EBF3: variants seen among roughly 807,000 people sequenced by gnomAD.
EBF3 encodes the protein EBF transcription factor 3.
A neutral mutation model predicts 77.1 loss-of-function variants in EBF3; 18 were observed. The ratio of observed to expected loss-of-function variants is 0.23; its 90% CI spans 0.16 to 0.35. The LOEUF is 0.35. Among genes scored for constraint, EBF3 ranks in the 10% least tolerant of loss-of-function variants. EBF3 has a pLI of 1.00. For missense variants in EBF3, 558 were observed against 860.0 expected, an observed-to-expected ratio of 0.65 and a Z score of 4.39; for synonymous variants, 350 against 343.5, an observed-to-expected ratio of 1.02 and a Z score of -0.21.
At chr10:129,901,440 C>G (rs1854771650) in intron 6 of EBF3, among the ~76,000 whole-genome samples, 1 of 152,288 alleles carries the variant, frequency 6.6e-6, no homozygotes, top group South Asian at 2.1e-4. Flanking sequence ...AGGGTGCGAT[C>G]CTACCATTTG....
chr10:129,897,887 A>T lies in EBF3; in HGVS notation c.555-20038T>A, dbSNP rs1854505912. ...TGGGGTTTTGTTCCAGCATCCTCCA[A>T]ATGCTGCAATTTCTGCCCTTTTCCT... On this transcript the variant is annotated intron_variant, in intron 6 of 16. Coordinates refer to ENST00000440978, the MANE Select transcript of EBF3 (RefSeq NM_001375380.1). The surrounding 1 kb of genome is among the most constrained non-coding windows in gnomAD (Gnocchi z 4.6). Among the ~76,000 whole-genome samples the T allele has an allele frequency of 6.6e-6, 1 of 152,178 alleles. No homozygotes were observed. Among genetic ancestry groups the T allele is most frequent in the Non-Finnish European group, 1.5e-5 (1 of 68,030 alleles).
chr10:129,962,519 A>C (rs932325388), intron 3 of EBF3, among the ~76,000 whole-genome samples: 1 of 151,414 alleles, frequency 6.6e-6, no homozygotes, highest in South Asian at 2.1e-4. Flanking sequence ...GTGGTCGTTT[A>C]TTTTTAGAAA....
intron 7 of EBF3, among the ~76,000 whole-genome samples, chr10:129,874,367 C>T (rs184253175): frequency 6.6e-6 from 1 of 152,198 alleles, no homozygotes; most frequent in East Asian, 1.9e-4. Flanking sequence ...TCAGCTGCCT[C>T]GTGGTAGAGG....
At chr10:129,856,135 T>C (rs1851236429) in intron 10 of EBF3, among the ~76,000 whole-genome samples, 1 of 152,220 alleles carries the variant, frequency 6.6e-6, no homozygotes, top group South Asian at 2.1e-4. Context: ...GCCACGTGCC[T>C]GCCCTACTCA....
At chr10:129,901,736 A>G (rs1854794335) in intron 6 of EBF3, among the ~76,000 whole-genome samples, 1 of 152,232 alleles carries the variant, frequency 6.6e-6, no homozygotes, top group African/African-American at 2.4e-5. Context: ...TGATCCTGTC[A>G]CATGCACCAA....
At chr10:129,937,067 C>A (rs957735972) in intron 6 of EBF3, among the ~76,000 whole-genome samples, 8 of 152,168 alleles carry the variant, frequency 5.3e-5, no homozygotes, top group Admixed American at 5.2e-4. Flanking sequence ...CATTCGGGCC[C>A]CAAGGGCTGC....
At position 129,938,502 on chromosome 10, in the gene EBF3, G is replaced by A. The variant is rs1022192057; in HGVS notation, c.554+18756C>T. 3.3e-5 allele frequency among the ~76,000 whole-genome samples: 5 copies of A among 152,148 alleles called. No homozygotes were observed. The highest frequency in any genetic ancestry group is 7.4e-5 in the Non-Finnish European group (5 of 68,024). ...CAGGAGGTCCAGGCTGCAGGGAGCT[G>A]TGATTGTGCCACTGTACCCAGCCTG... On this transcript the variant is annotated intron_variant, in intron 6 of 16. Transcript: ENST00000440978. The surrounding 1 kb of genome is among the most constrained non-coding windows in gnomAD (Gnocchi z 5.1).
At chr10:129,893,171 T>G (rs562582998) in intron 6 of EBF3, among the ~76,000 whole-genome samples, 49 of 152,356 alleles carry the variant, frequency 3.2e-4, no homozygotes, top group African/African-American at 1.1e-3. Flanking sequence ...TAAGTGGAAA[T>G]TTATACAAGG....
At chr10:129,886,878 G>A (rs1853624673) in intron 6 of EBF3, among the ~76,000 whole-genome samples, 1 of 151,778 alleles carries the variant, frequency 6.6e-6, no homozygotes, top group Non-Finnish European at 1.5e-5. Context: ...CGTGTGGGGT[G>A]CAGGAGACTA....
At chr10:129,855,365 C>T (rs909226513) in intron 10 of EBF3, among the ~76,000 whole-genome samples, 10 of 152,176 alleles carry the variant, frequency 6.6e-5, no homozygotes, top group African/African-American at 2.2e-4. Flanking sequence ...CAAAATAATA[C>T]CCTTGCTGAC....
rs964792318 is a variant in EBF3 at position 129,885,480 on chromosome 10, A to G, written c.555-7631T>C. ...CTCCGGATATTTCATGATAGTTTTG[A>G]TAAGGTTATCTGTTTCAAAGAAGTC... On this transcript the variant is annotated intron_variant, in intron 6 of 16. Coordinates refer to ENST00000440978, the MANE Select transcript of EBF3 (RefSeq NM_001375380.1). The surrounding 1 kb of genome is among the most constrained non-coding windows in gnomAD (Gnocchi z 4.0). Among the ~76,000 whole-genome samples the G allele has an allele frequency of 5.3e-5, 8 of 152,170 alleles. No individual in the cohort carries two copies. The highest frequency in any genetic ancestry group is 1.2e-4 in the Non-Finnish European group (8 of 68,024).
chr10:129,841,041 A>ACCCCCC lies in EBF3; in HGVS notation c.1373-10_1373-9insGGGGGG. ...ATTGCGACTGTAGCCGACTGTTGAA[A>ACCCCCC]TCCCCCCCCCGGCCAAAAATAACAT... On this transcript the variant is annotated splice_polypyrimidine_tract_variant and intron_variant, in intron 13 of 16. Coordinates refer to ENST00000440978, the MANE Select transcript of EBF3 (RefSeq NM_001375380.1). The surrounding 1 kb of genome is among the most constrained non-coding windows in gnomAD (Gnocchi z 4.6). The ACCCCCC allele has an allele frequency of 9.3e-7, 1 of 1,076,654 alleles. No homozygotes were observed. Among genetic ancestry groups the ACCCCCC allele is most frequent in the Non-Finnish European group, 1.3e-6 (1 of 783,022 alleles). 66.7% of individuals were successfully genotyped at this position (1,076,654 alleles called of 1,614,324 possible).
intron 6 of EBF3, among the ~76,000 whole-genome samples, chr10:129,899,388 T>C (rs928349567): frequency 5.3e-5 from 8 of 152,268 alleles, no homozygotes; most frequent in Non-Finnish European, 8.8e-5. Context: ...ATAAGGAAGT[T>C]GTTCTCCTCC....
intron 4 of EBF3, 65 bp from the exon 5 acceptor site, chr10:129,959,072 C>T (rs951527879): frequency 1.4e-5 from 22 of 1,587,340 alleles, no homozygotes; most frequent in Admixed American, 8.6e-5. Flanking sequence ...CAAATCGCCC[C>T]GGGCGCTGCA....
At chr10:129,936,746 C>A (rs1857391159) in intron 6 of EBF3, among the ~76,000 whole-genome samples, 1 of 151,564 alleles carries the variant, frequency 6.6e-6, no homozygotes, top group South Asian at 2.1e-4. Context: ...ATGGGGGGAC[C>A]CTCAGCTGTG....
chr10:129,883,789 G>T (rs1853376252), intron 6 of EBF3, among the ~76,000 whole-genome samples: 1 of 152,174 alleles, frequency 6.6e-6, no homozygotes, highest in Admixed American at 6.5e-5. Context: ...CTGCTTCGTG[G>T]GTACAGGGTT....
chr10:129,872,184 A>AG (rs573641567), intron 8 of EBF3, among the ~76,000 whole-genome samples: 5 of 152,304 alleles, frequency 3.3e-5, no homozygotes, highest in African/African-American at 1.2e-4. Context: ...TCCACTCTCT[A>AG]GGGAAGCGAG....
rs1554892392 is a variant in EBF3 at position 129,841,044 on chromosome 10, C to CA, written c.1373-13_1373-12insT. 1.9e-3 allele frequency: 3,106 copies of CA among 1,599,486 alleles called. 30 individuals are homozygous for CA. The highest frequency in any genetic ancestry group is 2.4e-3 in the Non-Finnish European group (2,757 of 1,172,084). ...GCGACTGTAGCCGACTGTTGAAATCCCCCCCCCGGCCAAAAATAACATTAT... is the reference window on the plus strand; with the variant it reads ...GCGACTGTAGCCGACTGTTGAAATCCACCCCCCCGGCCAAAAATAACATTAT... On this transcript the variant is annotated splice_polypyrimidine_tract_variant and intron_variant, in intron 13 of 16. Coordinates refer to ENST00000440978, the MANE Select transcript of EBF3 (RefSeq NM_001375380.1). The surrounding 1 kb of genome is among the most constrained non-coding windows in gnomAD (Gnocchi z 4.6).
At chr10:129,930,409 T>C (rs996303216) in intron 6 of EBF3, among the ~76,000 whole-genome samples, 4 of 150,892 alleles carry the variant, frequency 2.7e-5, no homozygotes, top group Non-Finnish European at 5.9e-5. Context: ...TCTATATCTA[T>C]CTCTATACTA....
Sources: gnomAD v4.1 joint callset for allele counts (sites outside exome capture counted in the v4.1 genomes callset) on GRCh38, gnomAD v4.1.1 for gene constraint, Gnocchi (gnomAD v3.1) non-coding constraint, MANE v1.5 for transcripts, NCBI Gene and HGNC (gene_info 2026-07-23, HGNC 2026-07-21) for gene names.